The following GXYLT2 variants were observed in gnomAD, a reference collection of about 807,000 sequenced individuals.
GXYLT2 encodes the protein glucoside xylosyltransferase 2.
GXYLT2 carries 53 observed loss-of-function variants against 45.8 expected under a neutral mutation model. The ratio of observed to expected loss-of-function variants is 1.16; its 90% CI spans 0.93 to 1.46. GXYLT2 has a LOEUF of 1.46. GXYLT2 is among the 40% of genes most tolerant of loss of function. The pLI is 0.00. For missense variants in GXYLT2, 551 were observed against 544.4 expected, an observed-to-expected ratio of 1.01 and a Z score of -0.12; for synonymous variants, 219 against 214.2, an observed-to-expected ratio of 1.02 and a Z score of -0.19.
chr3:72,966,512 T>C (rs756551917), intron 5 of GXYLT2, among the ~76,000 whole-genome samples: 28 of 135,928 alleles, frequency 2.1e-4, no homozygotes, highest in Non-Finnish European at 3.6e-4. Flanking sequence ...CAGGCTAGAG[T>C]GCAGTGGCAT....
intron 6 of GXYLT2, among the ~76,000 whole-genome samples, chr3:72,969,175 G>A (rs1378313453): frequency 1.3e-5 from 2 of 152,174 alleles, no homozygotes; most frequent in Middle Eastern, 6.8e-3. Context: ...GAACATGGCT[G>A]TCTGGAGCCC....
At chr3:72,974,535 T>C (rs1459787042) in intron 6 of GXYLT2, among the ~76,000 whole-genome samples, 2 of 152,346 alleles carry the variant, frequency 1.3e-5, no homozygotes, top group African/African-American at 4.8e-5. Flanking sequence ...CTATGATATA[T>C]GGACTTTCCT....
At chr3:72,947,955 C>T (rs1710443171) in intron 3 of GXYLT2, among the ~76,000 whole-genome samples, 2 of 152,136 alleles carry the variant, frequency 1.3e-5, no homozygotes, top group Admixed American at 1.3e-4. Flanking sequence ...GTAACCATCT[C>T]AAATGAGTGT....
chr3:72,972,796 A>T (rs1360263339), intron 6 of GXYLT2, among the ~76,000 whole-genome samples: 1 of 140,948 alleles, frequency 7.1e-6, no homozygotes. Context: ...CTGGTGGCAC[A>T]TGCAGGTAGT....
chr3:72,894,269 G>A (rs1020474523), intron 1 of GXYLT2, among the ~76,000 whole-genome samples: 3 of 152,128 alleles, frequency 2.0e-5, no homozygotes, highest in African/African-American at 7.2e-5. Context: ...TGGAGTTGAG[G>A]GTTCTGTTAC....
At chr3:72,919,474 G>C (rs567339522) in intron 2 of GXYLT2, among the ~76,000 whole-genome samples, 3 of 152,226 alleles carry the variant, frequency 2.0e-5, no homozygotes, top group African/African-American at 7.2e-5. Context: ...TCAGTAATGG[G>C]CTGGGCACGG....
intron 3 of GXYLT2, among the ~76,000 whole-genome samples, chr3:72,952,630 C>G (rs1247695652): frequency 1.3e-5 from 2 of 152,112 alleles, no homozygotes; most frequent in Non-Finnish European, 2.9e-5. Context: ...AGTCTGAGAT[C>G]AGGGTGTCAG....
intron 3 of GXYLT2, among the ~76,000 whole-genome samples, chr3:72,936,434 A>T (rs1710180262): frequency 6.6e-6 from 1 of 152,088 alleles, no homozygotes; most frequent in Non-Finnish European, 1.5e-5. Context: ...CAGATGAATC[A>T]CTTGAGACTA....
Position 72,957,282 on chromosome 3 carries a change from C to A in GXYLT2, c.906C>A (p.Tyr302Ter). The A allele has an allele frequency of 6.2e-7, 1 of 1,613,092 alleles. No individual in the cohort carries two copies. Among genetic ancestry groups the A allele is most frequent in the Non-Finnish European group, 8.5e-7 (1 of 1,179,366 alleles). The change falls in exon 5 of 7, where the codon TAC (tyrosine) becomes TAA (stop). Residue 302 changes from tyrosine (Y) to a stop codon, truncating the protein, a stop_gained. Coordinates refer to ENST00000389617, the MANE Select transcript of GXYLT2 (RefSeq NM_001080393.2). LOFTEE classifies it high-confidence loss of function. ...GGGAGGACATGTTGTACCCTCTGTA[C>A]CAGAAGTACAAGAATGCCATCACGT... ...LAWEDMLYPL[Y>*]QKYKNAITWG...
At chr3:72,907,558 CTT>C (rs1279569315) in intron 1 of GXYLT2, among the ~76,000 whole-genome samples, 10 of 152,132 alleles carry the variant, frequency 6.6e-5, no homozygotes, top group Non-Finnish European at 1.2e-4. Flanking sequence ...GGCTGCATCC[CTT>C]CGTCTGGAAC....
At chr3:72,909,028 C>T (rs761398191) in intron 2 of GXYLT2, among the ~76,000 whole-genome samples, 7 of 148,984 alleles carry the variant, frequency 4.7e-5, no homozygotes, top group African/African-American at 1.0e-4. Context: ...GCCCAGCCCC[C>T]GTTTTTTCCT....
chr3:72,908,264 C>G, intron 1 of GXYLT2, 103 bp from the exon 2 acceptor site: 1 of 728,986 alleles, frequency 1.4e-6, no homozygotes. Flanking sequence ...CAGATTGTGC[C>G]TGATCATGTT....
chr3:72,955,148 C>T lies in GXYLT2; in HGVS notation c.651C>T (p.Leu217=). 6.2e-7 allele frequency: 1 copy of T among 1,614,026 alleles called. No individual in the cohort carries two copies. The highest frequency in any genetic ancestry group is 8.5e-7 in the Non-Finnish European group (1 of 1,179,892). ...TTCTCTACGTGGACACCGATGTCCT[C>T]TTTCTGAGACCTGTTGATGACATCT... is the stretch of plus-strand genomic sequence containing the variant. ...DSLLYVDTDV[L]FLRPVDDIWK... Residue 217 remains leucine, a synonymous_variant, in exon 4 of 7, where the codon CTC becomes CTT. Transcript: ENST00000389617.
chr3:72,946,233 T>C (rs1710402248), intron 3 of GXYLT2, among the ~76,000 whole-genome samples: 1 of 138,308 alleles, frequency 7.2e-6, no homozygotes, highest in Non-Finnish European at 1.5e-5. Context: ...GCCACGATTG[T>C]GACACTGCAC....
At chr3:72,926,534 T>G (rs969227607) in intron 3 of GXYLT2, among the ~76,000 whole-genome samples, 8 of 152,366 alleles carry the variant, frequency 5.3e-5, no homozygotes, top group Non-Finnish European at 1.0e-4. Context: ...TGGAATACTT[T>G]TATTTTCTTA....
chr3:72,967,694 G>A lies in GXYLT2; in HGVS notation c.1124G>A (p.Arg375Lys). ...VYHDDKQPTFRALYEAIRDFP... is the reference protein window; with the variant it reads ...VYHDDKQPTFKALYEAIRDFP... ...CATGACGATAAGCAACCAACGTTCA[G>A]AGCACTCTATGAAGCAATACGGGAT... Residue 375 changes from arginine (R) to lysine (K), a missense_variant, in exon 6 of 7, where the codon AGA (arginine) becomes AAA (lysine). Coordinates refer to ENST00000389617, the MANE Select transcript of GXYLT2 (RefSeq NM_001080393.2). 1 of 1,613,862 alleles carries A rather than the reference G, an allele frequency of 6.2e-7. No individual in the cohort carries two copies.
intron 3 of GXYLT2, among the ~76,000 whole-genome samples, chr3:72,932,109 A>G (rs1053300428): frequency 6.0e-5 from 9 of 151,254 alleles, no homozygotes; most frequent in African/African-American, 2.2e-4. Context: ...CTGGAGTGCA[A>G]TGGCACGATC....
At chr3:72,895,520 G>A (rs368071280) in intron 1 of GXYLT2, among the ~76,000 whole-genome samples, 1 of 152,106 alleles carries the variant, frequency 6.6e-6, no homozygotes, top group East Asian at 1.9e-4. Context: ...AAACTCACAG[G>A]TGAGAGTCTT....
intron 3 of GXYLT2, among the ~76,000 whole-genome samples, chr3:72,937,814 G>A (rs192730419): frequency 9.9e-5 from 15 of 152,250 alleles, no homozygotes; most frequent in South Asian, 2.1e-4. Context: ...GCTCAGACTC[G>A]CCAGTTTAGT....
Sources: gnomAD v4.1 joint callset for allele counts (sites outside exome capture counted in the v4.1 genomes callset) on GRCh38, gnomAD v4.1.1 for gene constraint, MANE v1.5 for transcripts, NCBI Gene and HGNC (gene_info 2026-07-23, HGNC 2026-07-21) for gene names.